KSR2: variants seen among roughly 807,000 people sequenced by gnomAD.
KSR2 encodes the protein kinase suppressor of ras 2.
KSR2 carries 25 observed loss-of-function variants against 107.8 expected under a neutral mutation model. The ratio of observed to expected loss-of-function variants is 0.23; its 90% CI spans 0.17 to 0.32. KSR2 has a LOEUF of 0.32. Among genes scored for constraint, KSR2 ranks in the 10% least tolerant of loss-of-function variants. KSR2 has a pLI of 1.00. For synonymous variants in KSR2, 480 were observed against 507.0 expected, an observed-to-expected ratio of 0.95 and a Z score of 0.71; for missense variants, 887 against 1,268.9, an observed-to-expected ratio of 0.70 and a Z score of 4.57.
At chr12:117,701,783 C>A (rs1378240029) in intron 4 of KSR2, among the ~76,000 whole-genome samples, 1 of 152,114 alleles carries the variant, frequency 6.6e-6, no homozygotes, top group Non-Finnish European at 1.5e-5. Flanking sequence ...AGGATTCAGC[C>A]ACAAGCCAAG....
intron 4 of KSR2, among the ~76,000 whole-genome samples, chr12:117,688,914 T>C (rs1885700021): frequency 6.6e-6 from 1 of 152,124 alleles, no homozygotes; most frequent in Non-Finnish European, 1.5e-5. Context: ...TTTCCTTCCT[T>C]CTCTCCTGCC....
intron 1 of KSR2, among the ~76,000 whole-genome samples, chr12:117,904,176 A>T (rs1894772140): frequency 1.3e-5 from 2 of 152,326 alleles, no homozygotes; most frequent in South Asian, 4.1e-4. Context: ...TGCAGCCCTG[A>T]TGCTATACAA....
At chr12:117,608,648 AAAT>A (rs1334091399) in intron 5 of KSR2, among the ~76,000 whole-genome samples, 2 of 152,244 alleles carry the variant, frequency 1.3e-5, no homozygotes, top group Admixed American at 6.5e-5. Context: ...AAAATAAATA[AAAT>A]AATAATGAGT....
rs370572765 is a variant in KSR2, at chr12:117,705,070, G to A, written c.987-37412C>T. Among the ~76,000 whole-genome samples, 14 of 152,178 alleles carry A rather than the reference G, an allele frequency of 9.2e-5. No individual in the cohort carries two copies. The East Asian group carries it at 2.3e-3, about 25-fold the overall frequency. On this transcript the variant is annotated intron_variant, in intron 4 of 19. Transcript: ENST00000339824. ...ATGCCGGGATATGACTATGAGCTAG[G>A]CAGGCCAGGGCCTGCCTCCAAGGGA...
At chr12:117,532,554 G>C (rs1027137097) in intron 10 of KSR2, among the ~76,000 whole-genome samples, 6 of 152,172 alleles carry the variant, frequency 3.9e-5, no homozygotes, top group African/African-American at 1.4e-4. Context: ...CTGAGATCAA[G>C]ACATGGACAT....
intron 14 of KSR2, among the ~76,000 whole-genome samples, chr12:117,520,767 T>G (rs1240591427): frequency 6.6e-5 from 10 of 152,164 alleles, no homozygotes; most frequent in Admixed American, 6.5e-4. Flanking sequence ...CTCACTGCCC[T>G]TGGCATAAAA....
intron 6 of KSR2, among the ~76,000 whole-genome samples, chr12:117,580,441 G>A (rs932599819): frequency 1.3e-5 from 2 of 152,154 alleles, no homozygotes; most frequent in Non-Finnish European, 2.9e-5. Context: ...TAGGAGTGGC[G>A]GGCAGGCTTC....
rs186922854 is a variant in KSR2 at position 117,471,333 on chromosome 12, G to A, written c.2583-13C>T. 19 of 1,610,894 alleles carry A rather than the reference G, an allele frequency of 1.2e-5. No individual in the cohort carries two copies. The Admixed American group carries it at 1.3e-4, about 11-fold the overall frequency. ...ATACCAGATTGTGCTGTTGGCAGAC[G>A]TTGTTAAAGGGGTGTTGGTGTGGTG... On this transcript the variant is annotated splice_polypyrimidine_tract_variant and intron_variant, in intron 17 of 19. Coordinates refer to ENST00000339824, the MANE Select transcript of KSR2 (RefSeq NM_173598.6).
At chr12:117,562,578 G>A (rs923792211) in intron 7 of KSR2, among the ~76,000 whole-genome samples, 2 of 152,118 alleles carry the variant, frequency 1.3e-5, no homozygotes, top group East Asian at 1.9e-4. Context: ...TTGGTATCTC[G>A]TGGGCAGCAC....
chr12:117,536,583 A>C (rs1031653505), intron 10 of KSR2, among the ~76,000 whole-genome samples: 16 of 152,252 alleles, frequency 1.1e-4, no homozygotes, highest in African/African-American at 3.9e-4. Context: ...TGGTACACAG[A>C]CATATATATA....
intron 4 of KSR2, among the ~76,000 whole-genome samples, chr12:117,682,268 C>T (rs192200034): frequency 1.3e-5 from 2 of 151,522 alleles, no homozygotes; most frequent in Non-Finnish European, 2.9e-5. Flanking sequence ...GGGCCTATTG[C>T]GGGGGCGGGG....
intron 1 of KSR2, among the ~76,000 whole-genome samples, chr12:117,924,113 G>A (rs1895429074): frequency 6.6e-6 from 1 of 151,338 alleles, no homozygotes; most frequent in Admixed American, 6.6e-5. Context: ...CCCGACCACA[G>A]GTGATCCTCC....
chr12:117,684,977 G>C (rs980155131), intron 4 of KSR2, among the ~76,000 whole-genome samples: 2 of 152,180 alleles, frequency 1.3e-5, no homozygotes, highest in East Asian at 3.8e-4. Flanking sequence ...TAGCCAAGGA[G>C]AATCAATCTT....
At chr12:117,490,794 A>C (rs1288869016) in intron 14 of KSR2, among the ~76,000 whole-genome samples, 1 of 152,228 alleles carries the variant, frequency 6.6e-6, no homozygotes, top group Admixed American at 6.5e-5. Context: ...TCAGGGGTTA[A>C]GTAGAGCGGG....
At chr12:117,960,144 T>A (rs947357881) in intron 1 of KSR2, among the ~76,000 whole-genome samples, 32 of 152,112 alleles carry the variant, frequency 2.1e-4, no homozygotes, top group African/African-American at 7.7e-4. Context: ...GGCACACTCT[T>A]CCCCCAAATA....
In KSR2 at chr12:117,740,578, T is replaced by A. The variant is rs185997724; in HGVS notation, c.986+20433A>T. 4.4e-4 allele frequency among the ~76,000 whole-genome samples: 50 copies of A among 114,296 alleles called. 1 individual carries two copies. The highest frequency in any genetic ancestry group is 1.2e-3 in the South Asian group (4 of 3,392). 75.0% of individuals were successfully genotyped at this position (114,296 alleles called of 152,430 possible). ...TAATATATGAATATATAACATATATTATATATGTACTATATACATATATAG... is the reference window on the plus strand; with the variant it reads ...TAATATATGAATATATAACATATATAATATATGTACTATATACATATATAG... On this transcript the variant is annotated intron_variant, in intron 4 of 19. Transcript: ENST00000339824.
At chr12:117,752,512 A>T (rs931713187) in intron 4 of KSR2, among the ~76,000 whole-genome samples, 2 of 152,266 alleles carry the variant, frequency 1.3e-5, no homozygotes, top group African/African-American at 4.8e-5. Context: ...ATATATGCCT[A>T]CAAACATGAA....
At chr12:117,628,950 G>A (rs1428418176) in intron 5 of KSR2, among the ~76,000 whole-genome samples, 4 of 152,350 alleles carry the variant, frequency 2.6e-5, no homozygotes, top group Non-Finnish European at 2.9e-5. Context: ...CTGGCAGATC[G>A]ATCTCGGACT....
At position 117,518,367 on chromosome 12, in the gene KSR2, TCCTACCCCAATC is replaced by T. The variant is rs1247249230; in HGVS notation, c.2219+6473_2219+6484del. 3.9e-5 allele frequency among the ~76,000 whole-genome samples: 6 copies of T among 152,218 alleles called. No homozygotes were observed. The South Asian group carries it at 6.2e-4, about 16-fold the overall frequency. On this transcript the variant is annotated intron_variant, in intron 14 of 19. Coordinates refer to ENST00000339824, the MANE Select transcript of KSR2 (RefSeq NM_173598.6). ...GTAATGCCCCTAATACCTCGCCCCATCCTACCCCAATCCCTGGGAAAGGATCCTGATGAAATT... is the reference window on the plus strand; with the variant it reads ...GTAATGCCCCTAATACCTCGCCCCATCCTGGGAAAGGATCCTGATGAAATT...
Sources: allele counts gnomAD v4.1 joint callset (sites outside exome capture counted in the v4.1 genomes callset), GRCh38; gene constraint gnomAD v4.1.1; transcripts MANE v1.5; gene names NCBI Gene and HGNC (gene_info 2026-07-23, HGNC 2026-07-21).